The following NDST4 variants were observed in gnomAD, a reference collection of about 807,000 sequenced individuals.
The protein encoded by NDST4 is N-deacetylase and N-sulfotransferase 4, also known as N-heparan sulfate sulfotransferase 4.
Under a neutral mutation model 100.8 loss-of-function variants are expected in NDST4, and 63 were observed. That is an observed-to-expected ratio of 0.62 (90% CI 0.51 to 0.77). The LOEUF is 0.77. Ranked by LOEUF, NDST4 falls within the 30% of genes least tolerant of loss-of-function variation. The pLI, the probability that NDST4 is intolerant of heterozygous loss-of-function variation, is 0.00. For missense variants in NDST4, 943 were observed against 1,018.4 expected (o/e 0.93, Z 1.01); for synonymous variants, 377 against 361.8 (o/e 1.04, Z -0.48).
intron 2 of NDST4, among the ~76,000 whole-genome samples, chr4:114,999,839 G>C (rs1727247077): frequency 6.6e-6 from 1 of 151,982 alleles, no homozygotes; most frequent in African/African-American, 2.4e-5. Flanking sequence ...TCAGAATCCT[G>C]ATGAGGTATT....
intron 11 of NDST4, among the ~76,000 whole-genome samples, chr4:114,836,298 G>C (rs1723304022): frequency 6.6e-6 from 1 of 152,112 alleles, no homozygotes; most frequent in Admixed American, 6.5e-5. Context: ...CTCTTGTAAG[G>C]CAGGCCTGGT....
At position 115,087,833 on chromosome 4, in the gene NDST4, CT is replaced by C. The variant is rs1249897280; in HGVS notation, c.-246-10552del. ...TGAAAATGTTTTAGAAACTCAACTG[CT>C]TTTTTTCTTAACAAAATTTATGTAT... On this transcript the variant is annotated intron_variant, in intron 1 of 13. Coordinates refer to ENST00000264363, the MANE Select transcript of NDST4 (RefSeq NM_022569.3). 3.3e-5 allele frequency among the ~76,000 whole-genome samples: 5 copies of C among 151,640 alleles called. No homozygotes were observed. The East Asian group carries it at 5.8e-4, about 18-fold the overall frequency.
chr4:114,956,189 G>A (rs1578412243), intron 4 of NDST4, among the ~76,000 whole-genome samples: 3 of 152,100 alleles, frequency 2.0e-5, no homozygotes, highest in Admixed American at 6.6e-5. Flanking sequence ...CCCAACCCAG[G>A]ACCCCGCCTA....
At chr4:115,094,037 A>C (rs913693181) in intron 1 of NDST4, among the ~76,000 whole-genome samples, 9 of 152,100 alleles carry the variant, frequency 5.9e-5, no homozygotes, top group Non-Finnish European at 8.8e-5. Flanking sequence ...TGCTGACATG[A>C]AGATAAAACA....
At chr4:115,060,925 G>A (rs145685309) in intron 2 of NDST4, among the ~76,000 whole-genome samples, 18 of 151,834 alleles carry the variant, frequency 1.2e-4, no homozygotes, top group East Asian at 1.9e-4. Flanking sequence ...ATTTGGGTAC[G>A]TTGAAATAAG....
chr4:114,933,113 TAA>T (rs1213340846), intron 6 of NDST4, among the ~76,000 whole-genome samples: 1 of 151,990 alleles, frequency 6.6e-6, no homozygotes, highest in Non-Finnish European at 1.5e-5. Context: ...GGTACTGACA[TAA>T]AGAGTGACAT....
chr4:115,070,730 CA>C (rs200020466), intron 2 of NDST4, among the ~76,000 whole-genome samples: 1 of 151,358 alleles, frequency 6.6e-6, no homozygotes, highest in East Asian at 1.9e-4. Flanking sequence ...AATAATTCTC[CA>C]AAAAAAAGAT....
chr4:114,996,311 T>G (rs2126253877), intron 2 of NDST4, among the ~76,000 whole-genome samples: 1 of 152,160 alleles, frequency 6.6e-6, no homozygotes, highest in East Asian at 1.9e-4. Flanking sequence ...AAGAGGTGCC[T>G]TCCACCACGA....
intron 2 of NDST4, among the ~76,000 whole-genome samples, chr4:115,055,478 T>G (rs763299397): frequency 2.0e-5 from 3 of 152,172 alleles, no homozygotes; most frequent in Non-Finnish European, 2.9e-5. Flanking sequence ...AAACAGGAAG[T>G]TGTATCTTTA....
intron 11 of NDST4, among the ~76,000 whole-genome samples, chr4:114,836,700 C>T (rs1723312431): frequency 6.6e-6 from 1 of 152,180 alleles, no homozygotes; most frequent in African/African-American, 2.4e-5. Flanking sequence ...GGATAATATC[C>T]TGAATTGTGT....
At chr4:114,829,697 C>T in intron 13 of NDST4, 93 bp downstream of exon 13, 1 of 768,618 alleles carries the variant, frequency 1.3e-6, no homozygotes. Flanking sequence ...AAAGGAAGAG[C>T]AGAAAAAGGA....
At chr4:114,838,804 C>CT (rs540720577) in intron 11 of NDST4, among the ~76,000 whole-genome samples, 17,456 of 141,730 alleles carry the variant, frequency 0.12, 1,728 homozygotes, top group African/African-American at 0.27. Flanking sequence ...TAGCCCAGAA[C>CT]TTTTTTTTTT....
At chr4:115,105,673 A>G (rs1234960690) in intron 1 of NDST4, among the ~76,000 whole-genome samples, 3 of 152,078 alleles carry the variant, frequency 2.0e-5, no homozygotes, top group Non-Finnish European at 2.9e-5. Context: ...TCCTTCCACA[A>G]AAGTCTTCTG....
chr4:115,014,176 T>A (rs1483547673), intron 2 of NDST4, among the ~76,000 whole-genome samples: 1 of 152,094 alleles, frequency 6.6e-6, no homozygotes, highest in African/African-American at 2.4e-5. Flanking sequence ...TGTGTTTGGC[T>A]GGTAAGGCCA....
At chr4:114,902,093 T>C (rs1423621879) in intron 6 of NDST4, among the ~76,000 whole-genome samples, 3 of 152,050 alleles carry the variant, frequency 2.0e-5, no homozygotes, top group African/African-American at 4.8e-5. Flanking sequence ...TTGCTATCAT[T>C]ATTTTGGACC....
chr4:115,057,758 A>C (rs968141186), intron 2 of NDST4, among the ~76,000 whole-genome samples: 8 of 148,352 alleles, frequency 5.4e-5, no homozygotes, highest in South Asian at 2.1e-4. Context: ...ACACACACAC[A>C]CCAAAAAGGG....
At chr4:114,942,578 A>C (rs1031419594) in intron 4 of NDST4, among the ~76,000 whole-genome samples, 1 of 152,038 alleles carries the variant, frequency 6.6e-6, no homozygotes, top group Non-Finnish European at 1.5e-5. Context: ...ATTATTAGTA[A>C]TTGGGTAAAT....
chr4:114,938,440 C>A (rs1725679570), intron 4 of NDST4, among the ~76,000 whole-genome samples: 1 of 152,120 alleles, frequency 6.6e-6, no homozygotes, highest in South Asian at 2.1e-4. Flanking sequence ...TAAAATAGAT[C>A]TGCAGTTTTC....
chr4:114,959,063 T>C (rs113775353), intron 4 of NDST4, among the ~76,000 whole-genome samples: 2,559 of 152,244 alleles, frequency 0.017, 75 homozygotes, highest in African/African-American at 0.056. Context: ...TCCTAAAATA[T>C]AGCAAAAATC....
Sources: allele counts gnomAD v4.1 joint callset (sites outside exome capture counted in the v4.1 genomes callset), GRCh38; gene constraint gnomAD v4.1.1; transcripts MANE v1.5; gene names NCBI Gene and HGNC (gene_info 2026-07-23, HGNC 2026-07-21).